The following ZNF385D variants were observed in gnomAD, a reference collection of about 807,000 sequenced individuals.
ZNF385D encodes zinc finger protein 385D.
ZNF385D carries 15 observed loss-of-function variants against 35.8 expected under a neutral mutation model. The ratio of observed to expected loss-of-function variants is 0.42; its 90% CI spans 0.28 to 0.64. ZNF385D has a LOEUF of 0.64. Among genes scored for constraint, ZNF385D ranks in the 30% least tolerant of loss-of-function variants. The pLI, the probability that ZNF385D is intolerant of heterozygous loss-of-function variation, is 0.23. For synonymous variants in ZNF385D, 212 were observed against 186.8 expected (o/e 1.13, Z -1.10); for missense variants, 474 against 494.6 (o/e 0.96, Z 0.39).
At chr3:21,857,438 G>A (rs777255779) in intron 3 of ZNF385D, among the ~76,000 whole-genome samples, 3 of 151,926 alleles carry the variant, frequency 2.0e-5, no homozygotes, top group East Asian at 1.9e-4. Flanking sequence ...GAGATTTTTT[G>A]TTGTTGTTGC....
At chr3:22,045,917 C>T (rs148515572) in intron 3 of ZNF385D, among the ~76,000 whole-genome samples, 1 of 152,118 alleles carries the variant, frequency 6.6e-6, no homozygotes, top group Non-Finnish European at 1.5e-5. Flanking sequence ...ACAAATTTCT[C>T]TATCTCCAAG....
rs548564949 is a variant in ZNF385D at position 21,415,920 on chromosome 3, T to C, written c.*5294A>G. ...GAAGAGGAAAGAGAAGACCCTCAAA[T>C]TGAAGGTAATGTTCAGTCCCTTGAC... On this transcript the variant is annotated 3_prime_UTR_variant, in exon 8 of 8. Transcript: ENST00000281523. 5.9e-5 allele frequency: 9 copies of C among 152,208 alleles called. No individual in the cohort carries two copies. Among genetic ancestry groups the C allele is most frequent in the East Asian group, 1.9e-4 (1 of 5,166 alleles). The allele number at this position is 152,208 out of a possible 1,614,324, so 9.4% of individuals were successfully genotyped here. A position where few individuals can be genotyped will look rare whatever the true frequency, so the allele number is the denominator to read the frequency against.
chr3:22,086,931 C>T (rs1369227154), intron 3 of ZNF385D, among the ~76,000 whole-genome samples: 3 of 149,442 alleles, frequency 2.0e-5, no homozygotes, highest in African/African-American at 2.5e-5. Flanking sequence ...CAGGTCCTGT[C>T]GTGGGGTGGG....
intron 3 of ZNF385D, among the ~76,000 whole-genome samples, chr3:21,860,222 T>C (rs1049448892): frequency 2.6e-5 from 4 of 152,122 alleles, no homozygotes; most frequent in Admixed American, 2.0e-4. Context: ...CAGATATTAA[T>C]GTTTTCAGTT....
intron 2 of ZNF385D, among the ~76,000 whole-genome samples, chr3:21,657,891 G>A (rs2066120141): frequency 6.6e-6 from 1 of 151,926 alleles, no homozygotes; most frequent in South Asian, 2.1e-4. Context: ...CGTAGCTGGA[G>A]CAGGTAATAA....
chr3:21,742,805 T>A (rs1035359973), intron 1 of ZNF385D, among the ~76,000 whole-genome samples: 1 of 152,196 alleles, frequency 6.6e-6, no homozygotes, highest in Non-Finnish European at 1.5e-5. Flanking sequence ...AGCTCTTCTA[T>A]CACCTATATA....
chr3:21,978,768 G>T (rs1290586894), intron 3 of ZNF385D, among the ~76,000 whole-genome samples: 8 of 151,996 alleles, frequency 5.3e-5, no homozygotes, highest in Non-Finnish European at 1.2e-4. Flanking sequence ...TCTTCTCGGG[G>T]AGCAAGGCTA....
At chr3:21,972,582 C>T (rs754606214) in intron 3 of ZNF385D, among the ~76,000 whole-genome samples, 6 of 151,408 alleles carry the variant, frequency 4.0e-5, no homozygotes, top group East Asian at 1.9e-4. Context: ...TAATGAACTT[C>T]GGAGCAGAAA....
At chr3:22,200,767 G>A (rs1696736926) in intron 2 of ZNF385D, among the ~76,000 whole-genome samples, 1 of 152,178 alleles carries the variant, frequency 6.6e-6, no homozygotes, top group Admixed American at 6.6e-5. Context: ...CCTACCCCCA[G>A]GCGCCTATTC....
At chr3:22,198,603 T>C (rs1696578035) in intron 2 of ZNF385D, among the ~76,000 whole-genome samples, 1 of 152,124 alleles carries the variant, frequency 6.6e-6, no homozygotes, top group South Asian at 2.1e-4. Flanking sequence ...CCTCGACATA[T>C]TTAAAATCTT....
chr3:21,756,036 T>C (rs2070324293), upstream of ZNF385D, among the ~76,000 whole-genome samples: 2 of 152,348 alleles, frequency 1.3e-5, no homozygotes, highest in Admixed American at 6.5e-5. Flanking sequence ...TTGACTTTTA[T>C]TATGACTTAC....
At chr3:22,283,668 G>A (rs540650628) in intron 2 of ZNF385D, among the ~76,000 whole-genome samples, 1 of 152,108 alleles carries the variant, frequency 6.6e-6, no homozygotes, top group Non-Finnish European at 1.5e-5. Context: ...GAAATCACGG[G>A]TAATAGTAAC....
At chr3:22,232,424 T>C (rs942528339) in intron 2 of ZNF385D, among the ~76,000 whole-genome samples, 2 of 152,146 alleles carry the variant, frequency 1.3e-5, no homozygotes, top group Non-Finnish European at 2.9e-5. Flanking sequence ...CTGGGATACA[T>C]GTGCAGAATG....
intron 4 of ZNF385D, among the ~76,000 whole-genome samples, chr3:21,466,171 A>G (rs113595520): frequency 0.018 from 2,746 of 152,212 alleles, 49 homozygotes; most frequent in South Asian, 0.051. Context: ...ATGCATGATC[A>G]ATCTTTACCT....
intron 3 of ZNF385D, among the ~76,000 whole-genome samples, chr3:22,081,504 T>G (rs997445279): frequency 6.6e-6 from 1 of 152,038 alleles, no homozygotes; most frequent in African/African-American, 2.4e-5. Context: ...CTGAAGCGAG[T>G]TGAGCTAGCC....
At chr3:21,440,279 A>G (rs1010968957) in intron 4 of ZNF385D, among the ~76,000 whole-genome samples, 2 of 152,128 alleles carry the variant, frequency 1.3e-5, no homozygotes, top group Non-Finnish European at 2.9e-5. Context: ...GATAATGTTA[A>G]CAGCAGCATA....
chr3:21,908,144 AT>A (rs1699785370), intron 3 of ZNF385D, among the ~76,000 whole-genome samples: 2 of 150,092 alleles, frequency 1.3e-5, no homozygotes, highest in Admixed American at 6.6e-5. Flanking sequence ...CTATCTATCT[AT>A]CTATCTATCT....
intron 2 of ZNF385D, among the ~76,000 whole-genome samples, chr3:22,313,722 C>A (rs186498586): frequency 6.6e-6 from 1 of 152,210 alleles, no homozygotes; most frequent in Middle Eastern, 3.4e-3. Flanking sequence ...ATATCCTCAA[C>A]GGCTGTTACT....
intron 3 of ZNF385D, among the ~76,000 whole-genome samples, chr3:21,926,860 G>A (rs1023055716): frequency 6.6e-6 from 1 of 152,128 alleles, no homozygotes; most frequent in African/African-American, 2.4e-5. Flanking sequence ...AGAGTGAAAA[G>A]GCAATCTACA....
Sources: gnomAD v4.1 joint callset for allele counts (sites outside exome capture counted in the v4.1 genomes callset) on GRCh38, gnomAD v4.1.1 for gene constraint, MANE v1.5 for transcripts, NCBI Gene and HGNC (gene_info 2026-07-23, HGNC 2026-07-21) for gene names.